Variants in SHISA9 observed in about 807,000 individuals in gnomAD.
SHISA9 encodes shisa family member 9, also known as protein shisa-9.
In SHISA9, 13 loss-of-function variants were observed where a neutral mutation model predicts 38.0. The ratio of observed to expected loss-of-function variants is 0.34; its 90% CI spans 0.22 to 0.54. The LOEUF is 0.54. Ranked by LOEUF, SHISA9 falls within the 20% of genes least tolerant of loss-of-function variation. The pLI is 0.91. For synonymous variants in SHISA9, 275 were observed against 242.0 expected (o/e 1.14, Z -1.27); for missense variants, 538 against 575.8 (o/e 0.93, Z 0.67).
Position 12,968,189 on chromosome 16 carries a change from C to CAAAAAAAAAAAAAAAAAA in SHISA9, c.691+51394_691+51411dup, listed in dbSNP as rs200194973. Among the ~76,000 whole-genome samples the CAAAAAAAAAAAAAAAAAA allele has an allele frequency of 3.7e-5, 3 of 82,046 alleles. 1 individual carries two copies. The highest frequency in any genetic ancestry group is 1.5e-4 in the African/African-American group (3 of 20,338). 53.8% of individuals were successfully genotyped at this position (82,046 alleles called of 152,430 possible). ...TGGGTGACAGAGGAAGGCTCCATCT[C>CAAAAAAAAAAAAAAAAAA]AAAAAAAAAAAAAAAAAAAAAAAAA... is the stretch of plus-strand genomic sequence containing the variant. On this transcript the variant is annotated intron_variant, in intron 2 of 4. Coordinates refer to ENST00000558583, the MANE Select transcript of SHISA9 (RefSeq NM_001145204.3).
At chr16:12,954,087 C>A (rs2071796768) in intron 2 of SHISA9, among the ~76,000 whole-genome samples, 1 of 152,126 alleles carries the variant, frequency 6.6e-6, no homozygotes, top group Non-Finnish European at 1.5e-5. Context: ...GTCCACTCAG[C>A]AGAAGTGGCG....
intron 2 of SHISA9, among the ~76,000 whole-genome samples, chr16:12,920,161 G>A (rs2071309433): frequency 6.7e-6 from 1 of 149,746 alleles, no homozygotes; most frequent in Admixed American, 6.7e-5. Flanking sequence ...TACAGTTTTT[G>A]TTTCAAGTCG....
At chr16:13,263,929 A>C in the SHISA9 span, among the ~76,000 whole-genome samples, 1 of 152,194 alleles carries the variant, frequency 6.6e-6, no homozygotes, top group Non-Finnish European at 1.5e-5. Context: ...AAAATAGAAA[A>C]AAAAAATCTT....
At chr16:13,088,296 G>A (rs1405088014) in intron 2 of SHISA9, among the ~76,000 whole-genome samples, 1 of 152,150 alleles carries the variant, frequency 6.6e-6, no homozygotes, top group Non-Finnish European at 1.5e-5. Context: ...GATTGTCTTG[G>A]GAATGCAGGC....
At chr16:12,984,876 G>T (rs1403916203) in intron 2 of SHISA9, among the ~76,000 whole-genome samples, 1 of 152,152 alleles carries the variant, frequency 6.6e-6, no homozygotes, top group Non-Finnish European at 1.5e-5. Context: ...AAGGGTGCAG[G>T]CATAGAAGAG....
chr16:13,049,251 T>C (rs553060525), intron 2 of SHISA9, among the ~76,000 whole-genome samples: 5 of 152,080 alleles, frequency 3.3e-5, no homozygotes, highest in African/African-American at 1.2e-4. Context: ...TTACTCCTGG[T>C]ATTTTGCCTC....
Position 13,190,505 on chromosome 16 carries a change from C to G in SHISA9, c.692-12889C>G, listed in dbSNP as rs372621509. Among the ~76,000 whole-genome samples the G allele has an allele frequency of 2.4e-4, 36 of 152,308 alleles. No individual in the cohort carries two copies. The East Asian group carries it at 6.4e-3, about 27-fold the overall frequency. On this transcript the variant is annotated intron_variant, in intron 2 of 4. Coordinates refer to ENST00000558583, the MANE Select transcript of SHISA9 (RefSeq NM_001145204.3). The stretch of plus-strand genomic sequence containing the variant: ...CCTCTTCTTTTTGCTGCCTTTGAAA[C>G]TCTTGCAGAATACAGATGAGCAAGG...
the SHISA9 span, among the ~76,000 whole-genome samples, chr16:13,295,227 C>G: frequency 1.5e-4 from 23 of 152,212 alleles, no homozygotes; most frequent in East Asian, 4.4e-3. Context: ...AAATAAAACA[C>G]AAATTATTTT....
intron 2 of SHISA9, among the ~76,000 whole-genome samples, chr16:13,188,770 G>T (rs1245245137): frequency 2.1e-5 from 3 of 142,356 alleles, no homozygotes; most frequent in Non-Finnish European, 4.6e-5. Flanking sequence ...GAAAATAAAT[G>T]AAAGTATTAA....
chr16:13,377,991 C>T, the SHISA9 span, among the ~76,000 whole-genome samples: 2 of 152,248 alleles, frequency 1.3e-5, no homozygotes, highest in Middle Eastern at 3.4e-3. Context: ...TGAGATTGTG[C>T]CACTGCACTC....
chr16:13,469,682 C>T, the SHISA9 span, among the ~76,000 whole-genome samples: 1 of 152,214 alleles, frequency 6.6e-6, no homozygotes. Flanking sequence ...CCTGTGCATC[C>T]AGAACATCTT....
intron 2 of SHISA9, among the ~76,000 whole-genome samples, chr16:13,185,279 G>A (rs1385098121): frequency 1.3e-5 from 2 of 152,156 alleles, no homozygotes; most frequent in Non-Finnish European, 2.9e-5. Flanking sequence ...ATAGTTCATT[G>A]TAGCATCAAA....
At chr16:13,437,425 G>A in the SHISA9 span, among the ~76,000 whole-genome samples, 1 of 152,124 alleles carries the variant, frequency 6.6e-6, no homozygotes, top group Non-Finnish European at 1.5e-5. Flanking sequence ...CAACCACTCA[G>A]TAAAAAAGAC....
chr16:13,254,182 G>GCAGTTGT, the SHISA9 span, among the ~76,000 whole-genome samples: 2 of 152,086 alleles, frequency 1.3e-5, no homozygotes, highest in African/African-American at 4.8e-5. Flanking sequence ...GCATACATTA[G>GCAGTTGT]CAGTTGTCTT....
chr16:13,225,273 A>G (rs1238192931), intron 4 of SHISA9, among the ~76,000 whole-genome samples: 1 of 152,170 alleles, frequency 6.6e-6, no homozygotes, highest in Admixed American at 6.5e-5. Context: ...GGCCCGGCCA[A>G]CTTCTGGCCT....
chr16:13,499,824 A>G, the SHISA9 span, among the ~76,000 whole-genome samples: 1 of 152,112 alleles, frequency 6.6e-6, no homozygotes. Flanking sequence ...TGATTCTCAG[A>G]CCTTTTGTCC....
At chr16:13,443,588 GATCAATTTTATGTCCTTGTA>G in the SHISA9 span, among the ~76,000 whole-genome samples, 1 of 152,134 alleles carries the variant, frequency 6.6e-6, no homozygotes, top group Admixed American at 6.5e-5. Flanking sequence ...ATACCCCTCT[GATCAATTTTATGTCCTTGTA>G]ATCAATTCTG....
the SHISA9 span, among the ~76,000 whole-genome samples, chr16:13,483,018 C>T: frequency 3.9e-5 from 6 of 152,286 alleles, no homozygotes; most frequent in South Asian, 1.2e-3. Flanking sequence ...ATTCTCATTT[C>T]AGACCTCCGC....
the SHISA9 span, among the ~76,000 whole-genome samples, chr16:13,469,342 GAAAGAAAGAAAGAAAGAAAAGA>G: frequency 8.8e-6 from 1 of 113,914 alleles, no homozygotes; most frequent in African/African-American, 3.4e-5. Flanking sequence ...AAGAAAGAAA[GAAAGAAAGAAAGAAAGAAAAGA>G]AAAAGAAAGA....
Sources: gnomAD v4.1 joint callset for allele counts (sites outside exome capture counted in the v4.1 genomes callset) on GRCh38, gnomAD v4.1.1 for gene constraint, MANE v1.5 for transcripts, NCBI Gene and HGNC (gene_info 2026-07-23, HGNC 2026-07-21) for gene names.